Variants in CCNY observed in about 807,000 individuals in gnomAD.
CCNY encodes cyclin-Y.
In CCNY, 19 loss-of-function variants were observed where a neutral mutation model predicts 42.8. The observed-to-expected ratio is 0.44, with a 90% confidence interval of 0.31 to 0.65. The LOEUF (loss-of-function observed/expected upper bound fraction) is 0.65, where lower values mean the gene tolerates loss of function less well. Ranked by LOEUF, CCNY falls within the 30% of genes least tolerant of loss-of-function variation. The pLI is 0.07. For synonymous variants in CCNY, 165 were observed against 162.7 expected (o/e 1.01, Z -0.11); for missense variants, 370 against 437.3 (o/e 0.85, Z 1.37).
chr10:35,406,028 TG>T (rs1407322819), intron 1 of CCNY, among the ~76,000 whole-genome samples: 1 of 152,116 alleles, frequency 6.6e-6, no homozygotes, highest in East Asian at 1.9e-4. Flanking sequence ...GAGATGTGGC[TG>T]GGGTTTGTCT....
In CCNY at chr10:35,571,982, G is replaced by C. The variant is rs1462060940; in HGVS notation, c.*2812G>C. 6.7e-6 allele frequency: 1 copy of C among 149,350 alleles called. No homozygotes were observed. The allele number at this position is 149,350 out of a possible 1,614,324, so 9.3% of individuals were successfully genotyped here. A position where few individuals can be genotyped will look rare whatever the true frequency, so the allele number is the denominator to read the frequency against. ...TTTCTTATTTTTTTTTTTTTAACTA[G>C]AAAAAGGGAAAGAAGAAGTCAGGAG... is the stretch of plus-strand genomic sequence containing the variant. On this transcript the variant is annotated 3_prime_UTR_variant, in exon 10 of 10. Transcript: ENST00000374704.
chr10:35,339,847 A>G (rs1325423369), intron 1 of CCNY, among the ~76,000 whole-genome samples: 1 of 152,148 alleles, frequency 6.6e-6, no homozygotes, highest in South Asian at 2.1e-4. Flanking sequence ...AGTTTATCTT[A>G]GTGTTAGGTT....
chr10:35,277,006 A>T (rs1317605625), intron 3 of CCNY, among the ~76,000 whole-genome samples: 2 of 152,210 alleles, frequency 1.3e-5, no homozygotes, highest in Non-Finnish European at 1.5e-5. Flanking sequence ...CTTTATGTTC[A>T]GCTGCTCTGG....
At position 35,466,727 on chromosome 10, in the gene CCNY, A is replaced by G. The variant is rs190346724; in HGVS notation, c.155-16677A>G. On this transcript the variant is annotated intron_variant, in intron 1 of 9. Transcript: ENST00000374704. ...TCAAAAGGGAGCAGTGTTAGGGTGAAGCAAGGTTCCTGGCAAAGCCGCAAC... is the reference window on the plus strand; with the variant it reads ...TCAAAAGGGAGCAGTGTTAGGGTGAGGCAAGGTTCCTGGCAAAGCCGCAAC... Among the ~76,000 whole-genome samples, 679 of 152,304 alleles carry G rather than the reference A, an allele frequency of 4.5e-3. 2 individuals carry two copies. Among genetic ancestry groups the G allele is most frequent in the Non-Finnish European group, 7.2e-3 (492 of 68,024 alleles).
At chr10:35,452,782 A>G (rs1052320908) in intron 1 of CCNY, among the ~76,000 whole-genome samples, 3 of 151,810 alleles carry the variant, frequency 2.0e-5, no homozygotes, top group Non-Finnish European at 4.4e-5. Context: ...AAAAAAAAAA[A>G]AAAAAAAAAT....
At chr10:35,519,549 C>T (rs1366497506) in intron 4 of CCNY, among the ~76,000 whole-genome samples, 1 of 152,082 alleles carries the variant, frequency 6.6e-6, no homozygotes. Flanking sequence ...TGGAAGTGGA[C>T]AGCTACCCTC....
intron 8 of CCNY, among the ~76,000 whole-genome samples, chr10:35,555,139 A>T (rs2135453451): frequency 6.6e-6 from 1 of 152,326 alleles, no homozygotes; most frequent in African/African-American, 2.4e-5. Flanking sequence ...TCCATGTTAC[A>T]GATCTGGATA....
At chr10:35,322,694 C>A (rs902252080) in intron 3 of CCNY, among the ~76,000 whole-genome samples, 1 of 152,176 alleles carries the variant, frequency 6.6e-6, no homozygotes, top group African/African-American at 2.4e-5. Context: ...TGAATAGGCA[C>A]TTTACAAAGA....
chr10:35,337,453 G>A (rs1048820093), intron 1 of CCNY, among the ~76,000 whole-genome samples: 1 of 152,236 alleles, frequency 6.6e-6, no homozygotes, highest in African/African-American at 2.4e-5. Flanking sequence ...GCGGGCCTAG[G>A]GCGGGTGTGT....
At chr10:35,443,331 T>C (rs1241405778) in intron 1 of CCNY, among the ~76,000 whole-genome samples, 1 of 152,270 alleles carries the variant, frequency 6.6e-6, no homozygotes, top group Non-Finnish European at 1.5e-5. Context: ...TTTTGACTTT[T>C]GAAATAACAG....
chr10:35,566,375 C>T (rs776808152), intron 9 of CCNY, 190 bp downstream of exon 9: 22 of 631,198 alleles, frequency 3.5e-5, no homozygotes, highest in African/African-American at 5.5e-5. Flanking sequence ...GACGGAGTCT[C>T]GCTCTGTCAC....
chr10:35,499,290 C>T (rs950295941), intron 2 of CCNY, among the ~76,000 whole-genome samples: 6 of 152,194 alleles, frequency 3.9e-5, no homozygotes, highest in African/African-American at 1.4e-4. Context: ...GCACGTCTCA[C>T]ATCGCGGCAG....
chr10:35,450,608 C>T (rs531293486), intron 1 of CCNY, among the ~76,000 whole-genome samples: 44 of 151,834 alleles, frequency 2.9e-4, no homozygotes, highest in African/African-American at 9.4e-4. Flanking sequence ...GGGCATCTTG[C>T]GGGTTCCCAT....
At chr10:35,265,960 A>C (rs990081938) in intron 3 of CCNY, among the ~76,000 whole-genome samples, 2 of 152,226 alleles carry the variant, frequency 1.3e-5, no homozygotes, top group African/African-American at 4.8e-5. Context: ...TTCTACAAGC[A>C]CAATTATTTG....
chr10:35,500,617 G>T (rs1840091715), intron 2 of CCNY, among the ~76,000 whole-genome samples: 1 of 152,202 alleles, frequency 6.6e-6, no homozygotes, highest in Non-Finnish European at 1.5e-5. Context: ...TATTCTTCAT[G>T]TCTTTTACAG....
chr10:35,408,010 C>T (rs1285363692), intron 1 of CCNY, among the ~76,000 whole-genome samples: 8 of 152,150 alleles, frequency 5.3e-5, no homozygotes, highest in Non-Finnish European at 1.2e-4. Flanking sequence ...TAAAATATGT[C>T]TCCTTTGTCT....
At chr10:35,488,850 G>A (rs1364592458) in intron 2 of CCNY, among the ~76,000 whole-genome samples, 3 of 152,094 alleles carry the variant, frequency 2.0e-5, no homozygotes, top group African/African-American at 7.2e-5. Context: ...GCTCCTAACA[G>A]TTGGAAATTT....
At chr10:35,265,584 T>C (rs994245835) in intron 3 of CCNY, among the ~76,000 whole-genome samples, 1 of 152,174 alleles carries the variant, frequency 6.6e-6, no homozygotes, top group Non-Finnish European at 1.5e-5. Context: ...CGTTGAGAGC[T>C]GGGGGAGACA....
chr10:35,359,436 T>C (rs1836631599), intron 1 of CCNY, among the ~76,000 whole-genome samples: 1 of 152,184 alleles, frequency 6.6e-6, no homozygotes, highest in African/African-American at 2.4e-5. Flanking sequence ...TTTATTTGTT[T>C]AAAAAACAAA....
Sources: gnomAD v4.1 joint callset for allele counts (sites outside exome capture counted in the v4.1 genomes callset) on GRCh38, gnomAD v4.1.1 for gene constraint, MANE v1.5 for transcripts, NCBI Gene and HGNC (gene_info 2026-07-23, HGNC 2026-07-21) for gene names.